ANO2: variants seen among roughly 807,000 people sequenced by gnomAD.
The protein encoded by ANO2 is anoctamin 2.
ANO2 carries 101 observed loss-of-function variants against 124.2 expected under a neutral mutation model. The ratio of observed to expected loss-of-function variants is 0.81; its 90% confidence interval spans 0.69 to 0.96. The LOEUF (loss-of-function observed/expected upper bound fraction) is 0.96. Ranked by LOEUF, ANO2 falls within the 40% of genes least tolerant of loss-of-function variation. The probability of loss-of-function intolerance (pLI) is 0.00; values close to 1 mark genes in which losing one functional copy is unlikely to be tolerated. For synonymous variants in ANO2, 486 were observed against 482.5 expected (o/e 1.01, Z -0.09); for missense variants, 1,293 against 1,274.5 (o/e 1.01, Z -0.22).
intron 10 of ANO2, among the ~76,000 whole-genome samples, chr12:5,763,081 T>C (rs577859247): frequency 6.6e-6 from 1 of 152,166 alleles, no homozygotes; most frequent in East Asian, 1.9e-4. Flanking sequence ...TTTTAAACTT[T>C]TGTTATATTG....
At chr12:5,771,296 A>G (rs1272872657) in intron 10 of ANO2, among the ~76,000 whole-genome samples, 1 of 152,112 alleles carries the variant, frequency 6.6e-6, no homozygotes, top group Non-Finnish European at 1.5e-5. Context: ...TAAATTATGT[A>G]AGGTCACACA....
At chr12:5,675,525 C>T (rs1948199512) in intron 14 of ANO2, among the ~76,000 whole-genome samples, 1 of 152,170 alleles carries the variant, frequency 6.6e-6, no homozygotes, top group South Asian at 2.1e-4. Flanking sequence ...ATTTCCAAAC[C>T]CTAGCCTTTC....
intron 14 of ANO2, among the ~76,000 whole-genome samples, chr12:5,679,363 G>A (rs192149661): frequency 1.3e-5 from 2 of 152,126 alleles, no homozygotes; most frequent in Non-Finnish European, 2.9e-5. Context: ...CCGCAGAATG[G>A]GAGAAAATTT....
intron 1 of ANO2, among the ~76,000 whole-genome samples, chr12:5,934,012 T>C (rs889877993): frequency 6.6e-6 from 1 of 152,110 alleles, no homozygotes. Flanking sequence ...TTCTTGTGAG[T>C]GAATTTTGAA....
intron 19 of ANO2, among the ~76,000 whole-genome samples, chr12:5,610,512 A>C (rs1396339162): frequency 7.1e-6 from 1 of 140,210 alleles, no homozygotes; most frequent in East Asian, 2.0e-4. Flanking sequence ...ATAAATTTAT[A>C]TACAAATTTT....
At chr12:5,589,553 T>C (rs533981036) in intron 20 of ANO2, among the ~76,000 whole-genome samples, 1 of 152,326 alleles carries the variant, frequency 6.6e-6, no homozygotes, top group South Asian at 2.1e-4. Flanking sequence ...CTTTACAGGC[T>C]TACCCAATAT....
chr12:5,865,576 T>G (rs1427003263), intron 3 of ANO2, among the ~76,000 whole-genome samples: 2 of 143,496 alleles, frequency 1.4e-5, no homozygotes, highest in East Asian at 2.1e-4. Context: ...CCATCATGCA[T>G]TCATACCATC....
At chr12:5,705,673 A>G (rs1195996237) in intron 14 of ANO2, among the ~76,000 whole-genome samples, 1 of 152,236 alleles carries the variant, frequency 6.6e-6, no homozygotes, top group Non-Finnish European at 1.5e-5. Flanking sequence ...TTTTGGCCAC[A>G]CTATGGCTTC....
At chr12:5,583,578 G>A (rs1942889325) in intron 20 of ANO2, among the ~76,000 whole-genome samples, 1 of 145,556 alleles carries the variant, frequency 6.9e-6, no homozygotes, top group Admixed American at 7.1e-5. Context: ...GCGTGAACCT[G>A]GGAGGCGGAG....
chr12:5,640,686 C>T (rs1318027817), intron 15 of ANO2, among the ~76,000 whole-genome samples: 1 of 152,214 alleles, frequency 6.6e-6, no homozygotes, highest in Non-Finnish European at 1.5e-5. Context: ...TACCATCCCA[C>T]ACCAGTTAGA....
intron 14 of ANO2, among the ~76,000 whole-genome samples, chr12:5,719,897 C>G (rs1456006055): frequency 6.6e-6 from 1 of 152,190 alleles, no homozygotes; most frequent in Non-Finnish European, 1.5e-5. Context: ...CTTCCCTTGT[C>G]TCTCTCACTT....
At chr12:5,827,676 T>C in intron 7 of ANO2, 93 bp downstream of exon 7, 1 of 1,429,002 alleles carries the variant, frequency 7.0e-7, no homozygotes, top group East Asian at 2.5e-5. Flanking sequence ...GCTTGTTTTG[T>C]TCTTTGCTGC....
intron 3 of ANO2, among the ~76,000 whole-genome samples, chr12:5,909,220 T>C (rs996572585): frequency 6.6e-6 from 1 of 152,184 alleles, no homozygotes; most frequent in Admixed American, 6.5e-5. Flanking sequence ...CATGCTCCCA[T>C]TAATATTCTC....
chr12:5,807,286 G>C, intron 8 of ANO2, 27 bp downstream of exon 8: 1 of 1,546,468 alleles, frequency 6.5e-7, no homozygotes, highest in Non-Finnish European at 8.7e-7. Flanking sequence ...AGACTACAGA[G>C]AGCACGCTGA....
rs187271924 is a variant in ANO2 at position 5,666,130 on chromosome 12, G to A, written c.1546-18329C>T. Among the ~76,000 whole-genome samples, 37 of 152,246 alleles carry A rather than the reference G, an allele frequency of 2.4e-4. No homozygotes were observed. In the East Asian group the frequency reaches 7.2e-3, roughly 29 times the overall value. On this transcript the variant is annotated intron_variant, in intron 14 of 24. Coordinates refer to ENST00000682330, the MANE Select transcript of ANO2 (RefSeq NM_001364791.2). Reference sequence around the variant, plus strand: ...GTCAGAATTTGTGGATGATGTGTTAGGTTTTGATTGTCTTCTGATACAGAA... The same window carrying A: ...GTCAGAATTTGTGGATGATGTGTTAAGTTTTGATTGTCTTCTGATACAGAA...
At chr12:5,568,582 A>G (rs1565419937) in intron 23 of ANO2, among the ~76,000 whole-genome samples, 1 of 152,192 alleles carries the variant, frequency 6.6e-6, no homozygotes, top group Non-Finnish European at 1.5e-5. Context: ...ATTTTACCCT[A>G]AGAAGTCGGG....
At chr12:5,629,952 C>T (rs1443984396) in intron 16 of ANO2, among the ~76,000 whole-genome samples, 1 of 152,206 alleles carries the variant, frequency 6.6e-6, no homozygotes, top group Non-Finnish European at 1.5e-5. Context: ...GCCAGGAGGA[C>T]AATCACTGTT....
At chr12:5,696,444 A>G (rs1369504291) in intron 14 of ANO2, among the ~76,000 whole-genome samples, 1 of 152,250 alleles carries the variant, frequency 6.6e-6, no homozygotes, top group African/African-American at 2.4e-5. Flanking sequence ...AAATGAAAAC[A>G]TGAATATAAC....
intron 14 of ANO2, among the ~76,000 whole-genome samples, chr12:5,724,321 A>T (rs1239682266): frequency 3.9e-5 from 6 of 152,078 alleles, no homozygotes; most frequent in African/African-American, 1.4e-4. Flanking sequence ...TCAAGTGGTT[A>T]TTCGGTCATT....
Sources: gnomAD v4.1 joint callset for allele counts (sites outside exome capture counted in the v4.1 genomes callset) on GRCh38, gnomAD v4.1.1 for gene constraint, MANE v1.5 for transcripts, NCBI Gene and HGNC (gene_info 2026-07-23, HGNC 2026-07-21) for gene names.